The following TUBGCP3 variants were observed in gnomAD, a reference collection of about 807,000 sequenced individuals.
The protein encoded by TUBGCP3 is tubulin gamma complex component 3.
TUBGCP3 carries 50 observed loss-of-function variants against 123.1 expected under a neutral mutation model. The ratio of observed to expected loss-of-function variants is 0.41; its 90% CI spans 0.32 to 0.51. TUBGCP3 has a LOEUF of 0.51. TUBGCP3 is among the 20% of genes least tolerant of loss of function. The probability of loss-of-function intolerance (pLI) is 0.36; values close to 1 mark genes in which losing one functional copy is unlikely to be tolerated. For missense variants in TUBGCP3, 882 were observed against 1,127.0 expected (o/e 0.78, Z 3.11); for synonymous variants, 405 against 413.9 (o/e 0.98, Z 0.26).
Position 112,588,072 on chromosome 13 carries a change from C to T in TUBGCP3, c.-92G>A, listed in dbSNP as rs1488792456. 8.9e-7 allele frequency: 1 copy of T among 1,127,880 alleles called. No individual in the cohort carries two copies. The highest frequency in any genetic ancestry group is 1.2e-6 in the Non-Finnish European group (1 of 858,940). The allele number at this position is 1,127,880 out of a possible 1,614,324, so 69.9% of individuals were successfully genotyped here. Reference sequence around the variant, plus strand: ...CGGCCCGCGCCCTTCCTGCGCCCCGCAAGCTCCCTGCTCCTGACAGGCTAA... The same window carrying T: ...CGGCCCGCGCCCTTCCTGCGCCCCGTAAGCTCCCTGCTCCTGACAGGCTAA... On this transcript the variant is annotated 5_prime_UTR_variant, in exon 1 of 22. Transcript: ENST00000261965.
At chr13:112,518,465 T>G (rs893203586) in intron 16 of TUBGCP3, among the ~76,000 whole-genome samples, 1 of 152,234 alleles carries the variant, frequency 6.6e-6, no homozygotes, top group African/African-American at 2.4e-5. Flanking sequence ...AAAGAGGCAT[T>G]TTAATTGCAG....
At chr13:112,600,261 T>C in the TUBGCP3 span, among the ~76,000 whole-genome samples, 3 of 152,208 alleles carry the variant, frequency 2.0e-5, no homozygotes, top group Admixed American at 6.5e-5. Context: ...TCACACTTGA[T>C]ATTATAGGGG....
chr13:112,583,454 C>T (rs1473534832), intron 1 of TUBGCP3, among the ~76,000 whole-genome samples: 1 of 152,304 alleles, frequency 6.6e-6, no homozygotes, highest in South Asian at 2.1e-4. Flanking sequence ...GATACAAAGC[C>T]AAGGCAAGAC....
intron 1 of TUBGCP3, among the ~76,000 whole-genome samples, chr13:112,576,705 T>A (rs1881841143): frequency 6.6e-6 from 1 of 150,986 alleles, no homozygotes; most frequent in Non-Finnish European, 1.5e-5. Flanking sequence ...AATCAGAAAA[T>A]GAATTGAATG....
rs1876435007 is a variant in TUBGCP3, at chr13:112,519,504, T to G, written c.1881+382A>C. ...AAACTGCAACTAAAAGCATCCATTT[T>G]CTGATAAATACCATCGTACACCATG... On this transcript the variant is annotated intron_variant, in intron 15 of 21. Coordinates refer to ENST00000261965, the MANE Select transcript of TUBGCP3 (RefSeq NM_006322.6). This position sits in a 1 kb window ranked among gnomAD's most constrained non-coding sequence, Gnocchi z 6.2. 1.3e-5 allele frequency among the ~76,000 whole-genome samples: 2 copies of G among 152,214 alleles called. No individual in the cohort carries two copies. The highest frequency in any genetic ancestry group is 2.4e-5 in the African/African-American group (1 of 41,458).
chr13:112,555,136 CA>C (rs1367285681), intron 6 of TUBGCP3, 131 bp from the exon 7 acceptor site: 6 of 608,784 alleles, frequency 9.9e-6, no homozygotes, highest in African/African-American at 9.3e-5. Context: ...TAAATAAGCT[CA>C]AGATGAAAAA....
rs377470399 is a variant in TUBGCP3 at position 112,504,022 on chromosome 13, G to C, written c.2307+10C>G. ...TTGGTTTCTTGTTTCTAAGCAGGTC[G>C]GAGTCTTACCCTGGAGTCACTGTCC... On this transcript the variant is annotated intron_variant, in intron 19 of 21. Coordinates refer to ENST00000261965, the MANE Select transcript of TUBGCP3 (RefSeq NM_006322.6). 2.5e-6 allele frequency: 4 copies of C among 1,603,794 alleles called. No individual in the cohort carries two copies. In the African/African-American group the frequency reaches 5.4e-5, roughly 21 times the overall value.
chr13:112,501,836 G>C (rs1880927166), intron 19 of TUBGCP3, among the ~76,000 whole-genome samples: 1 of 152,126 alleles, frequency 6.6e-6, no homozygotes, highest in African/African-American at 2.4e-5. Flanking sequence ...CTTTCACAAG[G>C]GCACTGTGCT....
intron 17 of TUBGCP3, among the ~76,000 whole-genome samples, chr13:112,505,831 T>C (rs910205010): frequency 6.6e-6 from 1 of 152,194 alleles, no homozygotes; most frequent in Non-Finnish European, 1.5e-5. Flanking sequence ...CATCCGACCC[T>C]GGCACCCGGT....
At chr13:112,512,786 A>C (rs1257683641) in intron 17 of TUBGCP3, among the ~76,000 whole-genome samples, 2 of 152,206 alleles carry the variant, frequency 1.3e-5, no homozygotes, top group Non-Finnish European at 2.9e-5. Flanking sequence ...TGAGAACTTC[A>C]GGGACCATTT....
chr13:112,602,428 T>C, the TUBGCP3 span, among the ~76,000 whole-genome samples: 8 of 152,112 alleles, frequency 5.3e-5, no homozygotes, highest in African/African-American at 1.9e-4. Context: ...AACTCTTCCG[T>C]GAGCCACCAC....
At chr13:112,593,289 G>A in the TUBGCP3 span, among the ~76,000 whole-genome samples, 28 of 152,190 alleles carry the variant, frequency 1.8e-4, 1 homozygote, top group East Asian at 1.4e-3. Context: ...GTAGTTGTAC[G>A]CACCTGTAAT....
chr13:112,581,377 C>T (rs542693724), intron 1 of TUBGCP3, among the ~76,000 whole-genome samples: 11 of 152,020 alleles, frequency 7.2e-5, no homozygotes, highest in Admixed American at 1.3e-4. Context: ...TTTTACACTG[C>T]GTATATATTA....
chr13:112,575,867 C>T (rs967349813), intron 1 of TUBGCP3, among the ~76,000 whole-genome samples: 10 of 152,314 alleles, frequency 6.6e-5, no homozygotes, highest in African/African-American at 2.4e-4. Flanking sequence ...CCAAGGAGCA[C>T]CACAGTCACT....
intron 19 of TUBGCP3, among the ~76,000 whole-genome samples, chr13:112,499,725 T>A (rs1028381401): frequency 1.3e-5 from 2 of 152,202 alleles, no homozygotes; most frequent in Non-Finnish European, 2.9e-5. Context: ...AAGGATACCT[T>A]AACATGAGGA....
chr13:112,548,443 G>A (rs1879253454), intron 8 of TUBGCP3, among the ~76,000 whole-genome samples: 1 of 152,178 alleles, frequency 6.6e-6, no homozygotes, highest in South Asian at 2.1e-4. Flanking sequence ...TTCATGAAGT[G>A]TAGTGACTTT....
the TUBGCP3 span, among the ~76,000 whole-genome samples, chr13:112,593,686 A>C: frequency 2.6e-5 from 4 of 152,196 alleles, no homozygotes; most frequent in Non-Finnish European, 5.9e-5. Flanking sequence ...AAAAAGAAAA[A>C]AAAAGATCCG....
chr13:112,590,276 C>G (rs1292487718), upstream of TUBGCP3, among the ~76,000 whole-genome samples: 1 of 152,138 alleles, frequency 6.6e-6, no homozygotes, highest in Admixed American at 6.5e-5. Flanking sequence ...GCGCCCGGTC[C>G]AGCCATCTTT....
At chr13:112,526,483 CCATCACCAT>C (rs1314162032) in intron 13 of TUBGCP3, among the ~76,000 whole-genome samples, 2 of 146,792 alleles carry the variant, frequency 1.4e-5, no homozygotes, top group Non-Finnish European at 3.0e-5. Flanking sequence ...TATCATCACA[CCATCACCAT>C]CATCACCATC....
Sources: allele counts gnomAD v4.1 joint callset (sites outside exome capture counted in the v4.1 genomes callset), GRCh38; gene constraint gnomAD v4.1.1; non-coding constraint Gnocchi (gnomAD v3.1); transcripts MANE v1.5; gene names NCBI Gene and HGNC (gene_info 2026-07-23, HGNC 2026-07-21).